ADGRB2: variants seen among roughly 807,000 people sequenced by gnomAD.
The protein encoded by ADGRB2 is brain-specific angiogenesis inhibitor 2.
In ADGRB2, 47 loss-of-function variants were observed where a neutral mutation model predicts 178.7. That is an observed-to-expected ratio of 0.26 (90% CI 0.21 to 0.34). ADGRB2 has a LOEUF of 0.34. ADGRB2 is among the 10% of genes least tolerant of loss of function. The pLI, the probability that ADGRB2 is intolerant of heterozygous loss-of-function variation, is 1.00. For missense variants in ADGRB2, 1,584 were observed against 2,180.8 expected, an observed-to-expected ratio of 0.73 and a Z score of 5.45; for synonymous variants, 870 against 912.4, an observed-to-expected ratio of 0.95 and a Z score of 0.84.
chr1:31,737,610 GC>G (rs751348549), intron 19 of ADGRB2, 41 bp downstream of exon 19: 151 of 1,610,258 alleles, frequency 9.4e-5, no homozygotes, highest in South Asian at 3.3e-4. Context: ...TTCTGCGCCT[GC>G]CCCCCCTCCC....
chr1:31,745,077 C>T (rs1002086626), intron 4 of ADGRB2, among the ~76,000 whole-genome samples: 3 of 152,214 alleles, frequency 2.0e-5, no homozygotes, highest in African/African-American at 7.2e-5. Flanking sequence ...TCCTTTAGTC[C>T]TCTCACTGGA....
At position 31,741,191 on chromosome 1, in the gene ADGRB2, C is replaced by T. The variant is rs1645944134; in HGVS notation, c.1794+182G>A. 6.6e-6 allele frequency among the ~76,000 whole-genome samples: 1 copy of T among 152,122 alleles called. No homozygotes were observed. The highest frequency in any genetic ancestry group is 1.5e-5 in the Non-Finnish European group (1 of 68,014). ...TAGGCACCAGGGATAAAAGAAGACA[C>T]TTGAGAGTCAGGCCTTGAGGTATGA... On this transcript the variant is annotated intron_variant, in intron 11 of 32. Transcript: ENST00000373658. The surrounding 1 kb of genome is among the most constrained non-coding windows in gnomAD (Gnocchi z 6.5).
intron 29 of ADGRB2, among the ~76,000 whole-genome samples, chr1:31,729,860 G>A (rs1645187575): frequency 6.6e-6 from 1 of 152,326 alleles, no homozygotes; most frequent in South Asian, 2.1e-4. Flanking sequence ...TCTTTGTTAC[G>A]CCTTCCTGTT....
Position 31,759,914 on chromosome 1 carries a change from T to C in ADGRB2, c.-190-2403A>G, listed in dbSNP as rs566103431. Among the ~76,000 whole-genome samples, 1 of 152,270 alleles carries C rather than the reference T, an allele frequency of 6.6e-6. No individual in the cohort carries two copies. The highest frequency in any genetic ancestry group is 2.1e-4 in the South Asian group (1 of 4,826). On this transcript the variant is annotated intron_variant, in intron 1 of 32. Coordinates refer to ENST00000373658, the MANE Select transcript of ADGRB2 (RefSeq NM_001364857.2). The surrounding 1 kb of genome is among the most constrained non-coding windows in gnomAD (Gnocchi z 4.3). ...CCCCCTGAGCCTGTTTCCCTCTCTG[T>C]GCAATGCAGACCATGAGCCTTGCCC...
chr1:31,752,538 G>A (rs958706564), intron 4 of ADGRB2, among the ~76,000 whole-genome samples: 1 of 152,206 alleles, frequency 6.6e-6, no homozygotes, highest in African/African-American at 2.4e-5. Context: ...GGACAGGGCT[G>A]GGCAAATCAG....
rs1005881824 is a variant in ADGRB2 at position 31,755,637 on chromosome 1, C to T, written c.838+362G>A. Reference sequence around the variant, plus strand: ...ATTCCCAGCCTTGGGCCTTTGTGCACCCTTCTTGCTCTGCCTAGAATGCCC... The same window carrying T: ...ATTCCCAGCCTTGGGCCTTTGTGCATCCTTCTTGCTCTGCCTAGAATGCCC... On this transcript the variant is annotated intron_variant, in intron 4 of 32. Transcript: ENST00000373658. This position sits in a 1 kb window ranked among gnomAD's most constrained non-coding sequence, Gnocchi z 5.1. Among the ~76,000 whole-genome samples, 1 of 152,014 alleles carries T rather than the reference C, an allele frequency of 6.6e-6. No individual in the cohort carries two copies. The highest frequency in any genetic ancestry group is 1.9e-4 in the East Asian group (1 of 5,150).
chr1:31,752,463 C>T (rs1646624383), intron 4 of ADGRB2, among the ~76,000 whole-genome samples: 1 of 152,230 alleles, frequency 6.6e-6, no homozygotes, highest in Non-Finnish European at 1.5e-5. Context: ...CCACTTCCTG[C>T]TGCCAGACCA....
At chr1:31,763,320 A>G (rs1469669074) in intron 1 of ADGRB2, among the ~76,000 whole-genome samples, 2 of 150,078 alleles carry the variant, frequency 1.3e-5, no homozygotes, top group Non-Finnish European at 3.0e-5. Flanking sequence ...CGCTAGGGGC[A>G]GAAATAGAGA....
chr1:31,751,067 G>A (rs1454470234), intron 4 of ADGRB2, among the ~76,000 whole-genome samples: 2 of 152,158 alleles, frequency 1.3e-5, no homozygotes, highest in African/African-American at 2.4e-5. Flanking sequence ...TGGCCAAGAG[G>A]ATGAGGCCCC....
rs1646806548 is a variant in ADGRB2, at chr1:31,755,918, C to T, written c.838+81G>A. On this transcript the variant is annotated intron_variant, in intron 4 of 32. Transcript: ENST00000373658. The surrounding 1 kb of genome is among the most constrained non-coding windows in gnomAD (Gnocchi z 5.1). ...CATCAGTGAACAGCTACATGCATGGCCGAGGATCTGCCAGGATGGACACCA... is the reference window on the plus strand; with the variant it reads ...CATCAGTGAACAGCTACATGCATGGTCGAGGATCTGCCAGGATGGACACCA... 6.6e-7 allele frequency: 1 copy of T among 1,524,710 alleles called. No individual in the cohort carries two copies. The highest frequency in any genetic ancestry group is 1.4e-5 in the African/African-American group (1 of 72,454). 94.4% of individuals were successfully genotyped at this position (1,524,710 alleles called of 1,614,324 possible). A position where few individuals can be genotyped will look rare whatever the true frequency, so the allele number is the denominator to read the frequency against.
chr1:31,762,004 C>G (rs1351225610), intron 1 of ADGRB2, among the ~76,000 whole-genome samples: 2 of 144,326 alleles, frequency 1.4e-5, no homozygotes, highest in Non-Finnish European at 3.0e-5. Context: ...AGCTTTTGAA[C>G]GTAGGTCGTC....
At chr1:31,736,939 G>A (rs1048520884) in intron 20 of ADGRB2, among the ~76,000 whole-genome samples, 1 of 152,218 alleles carries the variant, frequency 6.6e-6, no homozygotes, top group African/African-American at 2.4e-5. Flanking sequence ...AGGGAGGCGG[G>A]TGGGCAGGCT....
rs941225535 is a variant in ADGRB2 at position 31,738,575 on chromosome 1, C to T, written c.2645+12G>A. 19 of 1,605,024 alleles carry T rather than the reference C, an allele frequency of 1.2e-5. No individual in the cohort carries two copies. In the African/African-American group the frequency reaches 2.4e-4, roughly 20 times the overall value. On this transcript the variant is annotated intron_variant, in intron 17 of 32. Coordinates refer to ENST00000373658, the MANE Select transcript of ADGRB2 (RefSeq NM_001364857.2). ...TGCTCCCTTCCTCACCCAGAGGAGC[C>T]ACCCAACTCACGCTCTGGAGTAGTC...
chr1:31,762,893 G>A (rs1050798537), intron 1 of ADGRB2, among the ~76,000 whole-genome samples: 1 of 152,220 alleles, frequency 6.6e-6, no homozygotes, highest in South Asian at 2.1e-4. Flanking sequence ...CTCTCGGCCC[G>A]GGCGCCCCTC....
In ADGRB2 at chr1:31,761,504, C is replaced by G. The variant is rs563808061; in HGVS notation, c.-191+2380G>C. On this transcript the variant is annotated intron_variant, in intron 1 of 32. Coordinates refer to ENST00000373658, the MANE Select transcript of ADGRB2 (RefSeq NM_001364857.2). The surrounding 1 kb of genome is among the most constrained non-coding windows in gnomAD (Gnocchi z 4.2). ...CTCTGACTGGGGTTTCTTCTCTGTA[C>G]TTCTCCCACCTCTGCAGCCTCTACA... Among the ~76,000 whole-genome samples, 1 of 152,326 alleles carries G rather than the reference C, an allele frequency of 6.6e-6. No homozygotes were observed. The highest frequency in any genetic ancestry group is 2.4e-5 in the African/African-American group (1 of 41,570).
At chr1:31,734,115 G>A (rs559830885) in intron 25 of ADGRB2, among the ~76,000 whole-genome samples, 49 of 152,318 alleles carry the variant, frequency 3.2e-4, no homozygotes, top group African/African-American at 1.1e-3. Context: ...AGCCTGGCAG[G>A]GGGCAGGCAC....
Position 31,740,488 on chromosome 1 carries a change from C to T in ADGRB2, c.1848G>A (p.Ser616=), listed in dbSNP as rs1347257101. The change falls in exon 12 of 33, where the codon TCG becomes TCA. Residue 616 remains serine, a synonymous_variant. Coordinates refer to ENST00000373658, the MANE Select transcript of ADGRB2 (RefSeq NM_001364857.2). This position sits in a 1 kb window ranked among gnomAD's most constrained non-coding sequence, Gnocchi z 5.9. The part of the protein sequence containing the change: ...GQRMLAGEGM[S]QVVRSLQELL... ...GCTCCTGCAGGCTGCGCACCACCTG[C>T]GACATGCCCTCGCCTGCCAGCATGC... 6.8e-6 allele frequency: 11 copies of T among 1,612,850 alleles called. No homozygotes were observed. Among genetic ancestry groups the T allele is most frequent in the Admixed American group, 1.7e-5 (1 of 59,920 alleles).
Position 31,730,969 on chromosome 1 carries a change from G to C in ADGRB2, c.4211C>G (p.Ser1404Trp). The change falls in exon 29 of 33, where the codon TCG becomes TGG. Residue 1404 changes from serine to tryptophan, a missense_variant. By Grantham distance (177) the Ser-to-Trp change is radical. Transcript: ENST00000373658. ...GYPSFLSVDH[S>W]GLGLGPAYGS... is the part of the protein sequence containing the mutation. ...ATAGGCAGGGCCCAGCCCCAGGCCCGAGTGGTCCACGGACAGGAAGCTGGG... is the reference window on the plus strand; with the variant it reads ...ATAGGCAGGGCCCAGCCCCAGGCCCCAGTGGTCCACGGACAGGAAGCTGGG... The C allele has an allele frequency of 6.4e-7, 1 of 1,564,626 alleles. No individual in the cohort carries two copies. The highest frequency in any genetic ancestry group is 8.7e-7 in the Non-Finnish European group (1 of 1,152,280).
Position 31,738,919 on chromosome 1 carries a change from T to C in ADGRB2, c.2514A>G (p.Thr838=). ...GCACAGTCACTGTCATCACCCGGGA[T>C]GTGACGGCCAGCGGGGGCCTGCGGG... The part of the protein sequence containing the change: ...LPPPRPPLAV[T]SRVMTVTVRP... Residue 838 remains threonine, a synonymous_variant, in exon 16 of 33, where the codon ACA becomes ACG. Coordinates refer to ENST00000373658, the MANE Select transcript of ADGRB2 (RefSeq NM_001364857.2). 1 of 1,612,998 alleles carries C rather than the reference T, an allele frequency of 6.2e-7. No individual in the cohort carries two copies. Among genetic ancestry groups the C allele is most frequent in the South Asian group, 1.1e-5 (1 of 91,048 alleles).
Sources: allele counts gnomAD v4.1 joint callset (sites outside exome capture counted in the v4.1 genomes callset), GRCh38; gene constraint gnomAD v4.1.1; non-coding constraint Gnocchi (gnomAD v3.1); transcripts MANE v1.5; gene names NCBI Gene and HGNC (gene_info 2026-07-23, HGNC 2026-07-21).